Variants in CTNNA2 observed in about 807,000 individuals in gnomAD.
The protein encoded by CTNNA2 is catenin alpha-2.
In CTNNA2, 42 loss-of-function variants were observed where a neutral mutation model predicts 101.0. The observed-to-expected ratio is 0.42, with a 90% CI of 0.32 to 0.54. CTNNA2 has a LOEUF of 0.54. Ranked by LOEUF, CTNNA2 falls within the 20% of genes least tolerant of loss-of-function variation. The pLI is 0.14. For synonymous variants in CTNNA2, 450 were observed against 456.4 expected, an observed-to-expected ratio of 0.99 and a Z score of 0.18; for missense variants, 871 against 1,223.1, an observed-to-expected ratio of 0.71 and a Z score of 4.29.
intron 4 of CTNNA2, among the ~76,000 whole-genome samples, chr2:79,407,165 T>C (rs563352751): frequency 1.3e-5 from 2 of 152,206 alleles, no homozygotes; most frequent in South Asian, 4.1e-4. Context: ...ATATTGCAAA[T>C]GTTGCCTAAT....
At position 79,749,567 on chromosome 2, in the gene CTNNA2, ATTTC is replaced by A. The variant is rs1055338684; in HGVS notation, c.298+4992_298+4995del. On this transcript the variant is annotated intron_variant, in intron 3 of 18. Transcript: ENST00000402739. ...AGAATAGGAACAATGAGATTTATGT[ATTTC>A]TTTCTTCTCCTGAGGCACTCGGCAT... Among the ~76,000 whole-genome samples the A allele has an allele frequency of 1.2e-3, 178 of 152,254 alleles. 1 individual carries two copies. The highest frequency in any genetic ancestry group is 3.9e-3 in the African/African-American group (162 of 41,556).
At chr2:79,701,554 G>C (rs1445570731) in intron 2 of CTNNA2, among the ~76,000 whole-genome samples, 1 of 152,052 alleles carries the variant, frequency 6.6e-6, no homozygotes, top group Non-Finnish European at 1.5e-5. Flanking sequence ...ACCCATACTG[G>C]GTCTAGGACT....
chr2:79,781,283 T>A (rs1416221392), intron 3 of CTNNA2, among the ~76,000 whole-genome samples: 1 of 152,188 alleles, frequency 6.6e-6, no homozygotes, highest in Non-Finnish European at 1.5e-5. Flanking sequence ...CAGAGATCAC[T>A]CTCGTCACCA....
chr2:79,929,119 C>T (rs773085501), intron 7 of CTNNA2, among the ~76,000 whole-genome samples: 10 of 152,152 alleles, frequency 6.6e-5, no homozygotes, highest in Non-Finnish European at 1.3e-4. Flanking sequence ...AGACTTTCCA[C>T]GTTTTTAATG....
At position 79,485,082 on chromosome 2, in the gene CTNNA2, A is replaced by C. The variant is rs536751599; in HGVS notation, c.-134-19972A>C. 2.0e-5 allele frequency among the ~76,000 whole-genome samples: 3 copies of C among 152,346 alleles called. No individual in the cohort carries two copies. In the South Asian group the frequency reaches 6.2e-4, roughly 32 times the overall value. On this transcript the variant is annotated intron_variant, in intron 4 of 21. Coordinates refer to the CTNNA2 transcript ENST00000466387. ...CTGTGTTTATCTATATGAAGGTTAT[A>C]GATGGATATTTATAGAAACAGACCA... is the stretch of plus-strand genomic sequence containing the variant.
At chr2:80,481,837 GA>G (rs542894125) in intron 9 of CTNNA2, among the ~76,000 whole-genome samples, 2 of 151,662 alleles carry the variant, frequency 1.3e-5, no homozygotes, top group Admixed American at 6.6e-5. Flanking sequence ...TATTAAATAA[GA>G]AAAAAAATGA....
At chr2:79,610,655 T>C (rs1678209106) in intron 1 of CTNNA2, among the ~76,000 whole-genome samples, 1 of 151,974 alleles carries the variant, frequency 6.6e-6, no homozygotes, top group Non-Finnish European at 1.5e-5. Flanking sequence ...CTCTGGAAAA[T>C]GTAAAGTAAC....
chr2:79,658,063 A>T (rs181476032), intron 2 of CTNNA2, among the ~76,000 whole-genome samples: 305 of 152,080 alleles, frequency 2.0e-3, no homozygotes, highest in African/African-American at 7.0e-3. Flanking sequence ...AAAGGGAAAG[A>T]ATTCAAAACA....
At chr2:80,495,972 G>C (rs1018272743) in intron 9 of CTNNA2, among the ~76,000 whole-genome samples, 1 of 128,546 alleles carries the variant, frequency 7.8e-6, no homozygotes, top group African/African-American at 2.7e-5. Flanking sequence ...AAAAAAGGTG[G>C]CCATTTGAAG....
At chr2:80,178,221 A>G (rs1466006266) in intron 7 of CTNNA2, among the ~76,000 whole-genome samples, 3 of 152,190 alleles carry the variant, frequency 2.0e-5, no homozygotes, top group Non-Finnish European at 4.4e-5. Flanking sequence ...GTTCACGTAC[A>G]TACATATCAT....
At chr2:79,911,451 G>A (rs773272671) in intron 7 of CTNNA2, among the ~76,000 whole-genome samples, 8 of 152,184 alleles carry the variant, frequency 5.3e-5, no homozygotes, top group South Asian at 4.1e-4. Flanking sequence ...ATCACAGAAC[G>A]TGACTAAATA....
chr2:79,588,931 T>A (rs537096581), intron 1 of CTNNA2, among the ~76,000 whole-genome samples: 1 of 152,326 alleles, frequency 6.6e-6, no homozygotes, highest in Non-Finnish European at 1.5e-5. Context: ...GAAGGGATCA[T>A]AAATTGAGAC....
chr2:79,519,584 T>G (rs1021190490), intron 1 of CTNNA2, among the ~76,000 whole-genome samples: 3 of 152,208 alleles, frequency 2.0e-5, no homozygotes, highest in African/African-American at 7.2e-5. Flanking sequence ...ATTCTACATG[T>G]GTTTTTTTCT....
chr2:80,372,766 T>G (rs2149335794), intron 7 of CTNNA2, among the ~76,000 whole-genome samples: 1 of 152,270 alleles, frequency 6.6e-6, no homozygotes, highest in Admixed American at 6.5e-5. Context: ...TACTCTATTT[T>G]AATTACTTTA....
intron 7 of CTNNA2, among the ~76,000 whole-genome samples, chr2:79,983,413 T>C (rs1339906867): frequency 6.6e-6 from 1 of 152,084 alleles, no homozygotes; most frequent in Non-Finnish European, 1.5e-5. Flanking sequence ...GTGAAGAAAC[T>C]GACCCAGTGC....
intron 9 of CTNNA2, among the ~76,000 whole-genome samples, chr2:80,530,517 C>A (rs1651556250): frequency 6.6e-6 from 1 of 152,136 alleles, no homozygotes; most frequent in Non-Finnish European, 1.5e-5. Flanking sequence ...GTGGGGAGAC[C>A]TTCCTGATGG....
At chr2:79,815,848 G>T (rs539263252) in intron 3 of CTNNA2, among the ~76,000 whole-genome samples, 3 of 152,148 alleles carry the variant, frequency 2.0e-5, no homozygotes, top group African/African-American at 7.2e-5. Flanking sequence ...ATTGCTTTTG[G>T]CAGTATGGTC....
intron 7 of CTNNA2, among the ~76,000 whole-genome samples, chr2:80,296,538 GC>G (rs1452766520): frequency 6.6e-6 from 1 of 152,130 alleles, no homozygotes; most frequent in African/African-American, 2.4e-5. Flanking sequence ...GAACCTAAGG[GC>G]TTTTAATTTA....
intron 4 of CTNNA2, among the ~76,000 whole-genome samples, chr2:79,408,102 T>G (rs1678359984): frequency 6.6e-6 from 1 of 151,970 alleles, no homozygotes; most frequent in Non-Finnish European, 1.5e-5. Flanking sequence ...TGATTCCTAC[T>G]CTCTAACCTG....
Sources: allele counts gnomAD v4.1 joint callset (sites outside exome capture counted in the v4.1 genomes callset), GRCh38; gene constraint gnomAD v4.1.1; transcripts MANE v1.5; gene names NCBI Gene and HGNC (gene_info 2026-07-23, HGNC 2026-07-21).